Variants in CCNT2 observed in about 807,000 individuals in gnomAD.
CCNT2 encodes cyclin-T2.
CCNT2 carries 18 observed loss-of-function variants against 70.0 expected under a neutral mutation model. The ratio of observed to expected loss-of-function variants is 0.26; its 90% CI spans 0.18 to 0.38. The LOEUF (loss-of-function observed/expected upper bound fraction) is 0.38, where lower values mean the gene tolerates loss of function less well. CCNT2 is among the 10% of genes least tolerant of loss of function. The pLI, the probability that CCNT2 is intolerant of heterozygous loss-of-function variation, is 1.00. For missense variants in CCNT2, 734 were observed against 890.2 expected, an observed-to-expected ratio of 0.82 and a Z score of 2.23; for synonymous variants, 334 against 313.3, an observed-to-expected ratio of 1.07 and a Z score of -0.70.
At chr2:134,940,351 T>TCTTGAAAAA (rs1681481628) in intron 4 of CCNT2, among the ~76,000 whole-genome samples, 4 of 146,316 alleles carry the variant, frequency 2.7e-5, no homozygotes, top group African/African-American at 1.0e-4. Flanking sequence ...AGCCTAGAAA[T>TCTTGAAAAA]ATTGAAAAAA....
chr2:134,929,988 A>G (rs529891409), intron 2 of CCNT2, among the ~76,000 whole-genome samples: 24 of 150,400 alleles, frequency 1.6e-4, no homozygotes, highest in Admixed American at 6.6e-4. Context: ...TTAAAAAAAA[A>G]AGAGAGAGAG....
chr2:134,938,737 TCTC>T (rs1573821976), intron 3 of CCNT2, among the ~76,000 whole-genome samples: 2 of 152,224 alleles, frequency 1.3e-5, no homozygotes, highest in African/African-American at 4.8e-5. Context: ...ACTGTGCACA[TCTC>T]CTTATTTCAA....
chr2:134,934,488 C>T (rs2105043105), intron 2 of CCNT2, among the ~76,000 whole-genome samples: 1 of 152,306 alleles, frequency 6.6e-6, no homozygotes, highest in Middle Eastern at 3.4e-3. Flanking sequence ...TTCTTTTAAG[C>T]CTCACAACAA....
rs771791974 is a variant in CCNT2 at position 134,953,920 on chromosome 2, G to T, written c.1465G>T (p.Ala489Ser). The change falls in exon 9 of 9, where the codon GCA (alanine) becomes TCA (serine). Residue 489 changes from alanine (A) to serine (S), a missense_variant. This residue lies in a region of CCNT2 where 532 missense variants were observed against 556.9 expected (regional missense o/e 0.96). Coordinates refer to ENST00000264157, the MANE Select transcript of CCNT2 (RefSeq NM_058241.3). The stretch of plus-strand genomic sequence containing the variant: ...TCCCATTAAAATGAAAATACCTATC[G>T]CAAATACTGAAAAATACATGGCAGA... ...TSPIKMKIPI[A>S]NTEKYMADKK... 3.7e-6 allele frequency: 6 copies of T among 1,613,786 alleles called. No homozygotes were observed. Among genetic ancestry groups the T allele is most frequent in the Non-Finnish European group, 4.2e-6 (5 of 1,179,908 alleles).
chr2:134,922,330 A>G (rs1196023824), intron 2 of CCNT2, among the ~76,000 whole-genome samples: 2 of 152,212 alleles, frequency 1.3e-5, no homozygotes, highest in African/African-American at 2.4e-5. Flanking sequence ...CTGTGTGAAA[A>G]TATTTTTAAA....
Position 134,954,429 on chromosome 2 carries a change from C to G in CCNT2, c.1974C>G (p.His658Gln). The G allele has an allele frequency of 6.2e-7, 1 of 1,614,058 alleles. No homozygotes were observed. The highest frequency in any genetic ancestry group is 1.1e-5 in the South Asian group (1 of 91,088). Reference protein sequence around the residue: ...SSSVKQYISSHNSVFNHPLPP... With the variant: ...SSSVKQYISSQNSVFNHPLPP... Reference sequence around the variant, plus strand: ...CTGTTAAGCAGTATATATCCTCTCACAACTCTGTTTTTAACCATCCCTTAC... The same window carrying G: ...CTGTTAAGCAGTATATATCCTCTCAGAACTCTGTTTTTAACCATCCCTTAC... Residue 658 changes from histidine to glutamine, a missense_variant, in exon 9 of 9, where the codon CAC (histidine) becomes CAG (glutamine). Coordinates refer to ENST00000264157, the MANE Select transcript of CCNT2 (RefSeq NM_058241.3).
At chr2:134,934,228 G>T (rs754951326) in intron 2 of CCNT2, among the ~76,000 whole-genome samples, 4 of 152,024 alleles carry the variant, frequency 2.6e-5, no homozygotes, top group African/African-American at 9.7e-5. Flanking sequence ...ATTTGAGAAC[G>T]TTTATTAAAC....
Position 134,958,502 on chromosome 2 carries a change from A to G in CCNT2, c.*3854A>G, listed in dbSNP as rs1041230129. 1 of 152,210 alleles carries G rather than the reference A, an allele frequency of 6.6e-6. No homozygotes were observed. Among genetic ancestry groups the G allele is most frequent in the Non-Finnish European group, 1.5e-5 (1 of 68,036 alleles). The allele number at this position is 152,210 out of a possible 1,614,324, so 9.4% of individuals were successfully genotyped here. A position where few individuals can be genotyped will look rare whatever the true frequency, so the allele number is the denominator to read the frequency against. ...ATCTCATGTGCCCTAAGATGGACTT[A>G]TTTAGATAGGGATTTTTGCATTGGA... On this transcript the variant is annotated 3_prime_UTR_variant, in exon 9 of 9. Transcript: ENST00000264157.
rs1427178188 is a variant in CCNT2, at chr2:134,958,774, T to C, written c.*4126T>C. On this transcript the variant is annotated 3_prime_UTR_variant, in exon 9 of 9. Transcript: ENST00000264157. ...AATATCATACATTAATTTTCTGCTC[T>C]GCAGTGTCAATTTGGGCACAGCCAG... is the stretch of plus-strand genomic sequence containing the variant. 6.6e-6 allele frequency: 1 copy of C among 152,214 alleles called. No individual in the cohort carries two copies. The highest frequency in any genetic ancestry group is 1.9e-4 in the East Asian group (1 of 5,202). The allele number at this position is 152,214 out of a possible 1,614,324, so 9.4% of individuals were successfully genotyped here.
chr2:134,924,524 G>T (rs7558881), intron 2 of CCNT2, among the ~76,000 whole-genome samples: 1 of 151,728 alleles, frequency 6.6e-6, no homozygotes, highest in African/African-American at 2.4e-5. Flanking sequence ...ATCTCGGCTC[G>T]CTGCAACCTC....
Position 134,944,696 on chromosome 2 carries a change from A to G in CCNT2, c.494-1405A>G, listed in dbSNP as rs575460943. ...TGTCATTTTGTCTGACTAACATTTC[A>G]GGTAACTAGAATATATCTCACTCCA... On this transcript the variant is annotated intron_variant, in intron 5 of 8. Transcript: ENST00000264157. The G allele has an allele frequency of 1.2e-4, 114 of 983,344 alleles. No individual in the cohort carries two copies. In the African/African-American group the frequency reaches 1.5e-3, roughly 13 times the overall value. 60.9% of individuals were successfully genotyped at this position (983,344 alleles called of 1,614,324 possible).
In CCNT2 at chr2:134,953,724, T is replaced by G; in HGVS notation, c.1269T>G (p.Ile423Met). 1 of 1,613,992 alleles carries G rather than the reference T, an allele frequency of 6.2e-7. No individual in the cohort carries two copies. The highest frequency in any genetic ancestry group is 1.1e-5 in the South Asian group (1 of 91,070). ...KAGSSKHHGP[I>M]STTPGIIPQK... ...GGAGCAGTAAACACCATGGGCCAAT[T>G]TCCACTACTCCAGGAATAATTCCTC... is the stretch of plus-strand genomic sequence containing the variant. The change falls in exon 9 of 9, where the codon ATT becomes ATG. Residue 423 changes from isoleucine (I) to methionine (M), a missense_variant. Physicochemically the swap from Ile to Met is conservative, Grantham distance 10. This residue lies in a region of CCNT2 where 532 missense variants were observed against 556.9 expected (regional missense o/e 0.96). Coordinates refer to ENST00000264157, the MANE Select transcript of CCNT2 (RefSeq NM_058241.3).
Position 134,940,701 on chromosome 2 carries a change from C to T in CCNT2, c.430+1639C>T, listed in dbSNP as rs150747768. On this transcript the variant is annotated intron_variant, in intron 4 of 8. Transcript: ENST00000264157. The stretch of plus-strand genomic sequence containing the variant: ...AACAGTTTGTCTCTCCAGTAAATTA[C>T]ATATTGCGGTAAAAGAGGTTCTGGC... 1.3e-3 allele frequency among the ~76,000 whole-genome samples: 201 copies of T among 152,260 alleles called. 1 individual carries two copies. Among genetic ancestry groups the T allele is most frequent in the African/African-American group, 4.7e-3 (194 of 41,546 alleles).
chr2:134,947,970 A>G (rs909042234), intron 7 of CCNT2, 71 bp downstream of exon 7: 1 of 861,168 alleles, frequency 1.2e-6, no homozygotes, highest in Non-Finnish European at 1.7e-6. Flanking sequence ...GACAATAGAA[A>G]GTGTCAGTAC....
In CCNT2 at chr2:134,938,994, T is replaced by A; in HGVS notation, c.370-8T>A. ...TTTAATCAATTTGATAATATTTTTA[T>A]CTGACAGGCTTACCTTCAACAGACT... is the stretch of plus-strand genomic sequence containing the variant. On this transcript the variant is annotated splice_region_variant and splice_polypyrimidine_tract_variant and intron_variant, in intron 3 of 8. Transcript: ENST00000264157. The A allele has an allele frequency of 6.3e-7, 1 of 1,583,620 alleles. No individual in the cohort carries two copies. Among genetic ancestry groups the A allele is most frequent in the African/African-American group, 1.3e-5 (1 of 74,390 alleles).
intron 5 of CCNT2, chr2:134,944,782 T>C: frequency 2.0e-6 from 2 of 985,438 alleles, no homozygotes; most frequent in African/African-American, 1.7e-5. Context: ...TTTACAACTT[T>C]TAGCTAACAG....
intron 5 of CCNT2, chr2:134,944,798 C>A (rs936822836): frequency 1.0e-6 from 1 of 985,220 alleles, no homozygotes; most frequent in African/African-American, 1.7e-5. Flanking sequence ...AACAGCATTT[C>A]CCCTCTATTC....
chr2:134,959,112 T>C lies in CCNT2; in HGVS notation c.*4464T>C, dbSNP rs965427785. 1 of 152,214 alleles carries C rather than the reference T, an allele frequency of 6.6e-6. No individual in the cohort carries two copies. Among genetic ancestry groups the C allele is most frequent in the African/African-American group, 2.4e-5 (1 of 41,446 alleles). 9.4% of individuals were successfully genotyped at this position (152,214 alleles called of 1,614,324 possible). On this transcript the variant is annotated 3_prime_UTR_variant, in exon 9 of 9. Transcript: ENST00000264157. ...GTACATTCTTAATTTTAAGGTATGT[T>C]TTTTTCAAGCAGCTTCATTTTATTA...
chr2:134,928,753 G>A (rs928898756), intron 2 of CCNT2, among the ~76,000 whole-genome samples: 1 of 152,036 alleles, frequency 6.6e-6, no homozygotes, highest in Non-Finnish European at 1.5e-5. Flanking sequence ...TGGGAAAGAT[G>A]TTTCTTCTGT....
Sources: allele counts gnomAD v4.1 joint callset (sites outside exome capture counted in the v4.1 genomes callset), GRCh38; gene constraint gnomAD v4.1.1; regional missense constraint gnomAD v4.1.1; transcripts MANE v1.5; gene names NCBI Gene and HGNC (gene_info 2026-07-23, HGNC 2026-07-21).